TECRL: variants seen among roughly 807,000 people sequenced by gnomAD.
TECRL encodes trans-2,3-enoyl-CoA reductase like.
Under a neutral mutation model 52.8 loss-of-function variants are expected in TECRL, and 63 were observed. The observed-to-expected ratio is 1.19, with a 90% CI of 0.97 to 1.47. The LOEUF is 1.47. Ranked by LOEUF, TECRL falls within the 40% of genes most tolerant of loss-of-function variation. The pLI is 0.00. For missense variants in TECRL, 482 were observed against 429.6 expected (o/e 1.12, Z -1.08); for synonymous variants, 164 against 141.9 (o/e 1.16, Z -1.10).
chr4:64,387,859 A>G (rs541028413), intron 1 of TECRL, among the ~76,000 whole-genome samples: 8 of 152,086 alleles, frequency 5.3e-5, no homozygotes, highest in African/African-American at 1.9e-4. Context: ...GTCTTGCACA[A>G]GTATGATAAA....
At chr4:64,295,404 C>A (rs1177032192) in intron 8 of TECRL, among the ~76,000 whole-genome samples, 2 of 151,072 alleles carry the variant, frequency 1.3e-5, no homozygotes, top group African/African-American at 2.4e-5. Flanking sequence ...TAATTCAAAT[C>A]ATTTGATTTT....
At chr4:64,319,768 G>A (rs896645640) in intron 4 of TECRL, among the ~76,000 whole-genome samples, 1 of 151,848 alleles carries the variant, frequency 6.6e-6, no homozygotes, top group African/African-American at 2.4e-5. Context: ...ACTCACCAAT[G>A]TAAAGGAACC....
intron 1 of TECRL, among the ~76,000 whole-genome samples, chr4:64,384,317 C>A (rs1293287857): frequency 1.3e-5 from 2 of 152,056 alleles, no homozygotes; most frequent in Admixed American, 1.3e-4. Flanking sequence ...TGTGGGCCAA[C>A]CCTTAAGACC....
intron 2 of TECRL, among the ~76,000 whole-genome samples, chr4:64,373,093 T>C (rs1487033576): frequency 6.6e-6 from 1 of 151,770 alleles, no homozygotes; most frequent in Non-Finnish European, 1.5e-5. Flanking sequence ...AAATACTTTA[T>C]ATAATGTAAT....
chr4:64,296,757 G>A (rs1328503442), intron 8 of TECRL, among the ~76,000 whole-genome samples: 1 of 151,642 alleles, frequency 6.6e-6, no homozygotes, highest in African/African-American at 2.4e-5. Context: ...TGGCTTTTGG[G>A]TGGAATTGGA....
chr4:64,381,661 T>C (rs1722805210), intron 1 of TECRL, among the ~76,000 whole-genome samples: 1 of 152,182 alleles, frequency 6.6e-6, no homozygotes, highest in South Asian at 2.1e-4. Flanking sequence ...ATATGCATTT[T>C]ATCCTTCAAT....
downstream of TECRL, among the ~76,000 whole-genome samples, chr4:64,277,415 G>T (rs1210104160): frequency 6.6e-6 from 1 of 151,848 alleles, no homozygotes; most frequent in East Asian, 1.9e-4. Context: ...TTCTTTTTAA[G>T]ATCATTAAAT....
At chr4:64,364,661 G>A (rs1465308748) in intron 2 of TECRL, among the ~76,000 whole-genome samples, 1 of 151,616 alleles carries the variant, frequency 6.6e-6, no homozygotes, top group Non-Finnish European at 1.5e-5. Flanking sequence ...AGAAGAAATC[G>A]ATAAATTCCT....
intron 1 of TECRL, among the ~76,000 whole-genome samples, chr4:64,382,540 T>G (rs926638875): frequency 5.3e-5 from 8 of 151,586 alleles, no homozygotes; most frequent in Non-Finnish European, 1.2e-4. Context: ...TGTCTTCTTT[T>G]GGTTTTCGTT....
At chr4:64,305,363 C>T in intron 6 of TECRL, 125 bp from the exon 7 acceptor site, 1 of 708,164 alleles carries the variant, frequency 1.4e-6, no homozygotes, top group Non-Finnish European at 2.4e-6. Flanking sequence ...ATATTAGACA[C>T]TGCAGCATTT....
chr4:64,408,887 C>G (rs955568169), intron 1 of TECRL, among the ~76,000 whole-genome samples: 1 of 152,010 alleles, frequency 6.6e-6, no homozygotes, highest in African/African-American at 2.4e-5. Flanking sequence ...ATGACAGAAC[C>G]TCATTATTAT....
At chr4:64,331,990 GA>G (rs1385805427) in intron 2 of TECRL, among the ~76,000 whole-genome samples, 1 of 152,100 alleles carries the variant, frequency 6.6e-6, no homozygotes, top group African/African-American at 2.4e-5. Flanking sequence ...GAGAACAACT[GA>G]AAAAGTATGA....
chr4:64,354,093 T>A (rs184670982), intron 2 of TECRL, among the ~76,000 whole-genome samples: 2 of 152,296 alleles, frequency 1.3e-5, no homozygotes, highest in East Asian at 3.9e-4. Flanking sequence ...AAGAAAGTGC[T>A]GATGACCTTA....
intron 7 of TECRL, 125 bp downstream of exon 7, chr4:64,305,041 T>C: frequency 4.7e-6 from 3 of 638,288 alleles, no homozygotes; most frequent in Non-Finnish European, 7.8e-6. Flanking sequence ...TAAAGAAATA[T>C]GATATGAAAG....
At position 64,409,321 on chromosome 4, in the gene TECRL, C is replaced by G; in HGVS notation, c.31G>C (p.Glu11Gln). MFKRHKSLAS[E>Q]RKRALLSQRA... Reference sequence around the variant, plus strand: ...TGGGAAAGTAATGCTCTCTTGCGTTCCGAAGCGAGGGACTTGTGCCTTTTG... The same window carrying G: ...TGGGAAAGTAATGCTCTCTTGCGTTGCGAAGCGAGGGACTTGTGCCTTTTG... The change falls in exon 1 of 12, where the codon GAA (glutamate) becomes CAA (glutamine). Residue 11 changes from glutamate to glutamine, a missense_variant. Coordinates refer to ENST00000381210, the MANE Select transcript of TECRL (RefSeq NM_001010874.5). The G allele has an allele frequency of 1.2e-6, 2 of 1,613,592 alleles. No homozygotes were observed. Among genetic ancestry groups the G allele is most frequent in the Non-Finnish European group, 1.7e-6 (2 of 1,179,716 alleles).
intron 2 of TECRL, among the ~76,000 whole-genome samples, chr4:64,345,919 A>AAAAAAAAAAAAAC (rs1560516687): frequency 2.1e-5 from 3 of 144,346 alleles, no homozygotes; most frequent in Non-Finnish European, 3.0e-5. Context: ...AAAAAAAAAA[A>AAAAAAAAAAAAAC]AAAAAAAAAA....
chr4:64,331,047 C>T (rs564430982), intron 2 of TECRL, among the ~76,000 whole-genome samples: 1 of 152,172 alleles, frequency 6.6e-6, no homozygotes, highest in Non-Finnish European at 1.5e-5. Flanking sequence ...TACACAATTT[C>T]TTTGGTTTTC....
chr4:64,309,352 T>C (rs549643214), intron 6 of TECRL, among the ~76,000 whole-genome samples: 10 of 152,174 alleles, frequency 6.6e-5, no homozygotes, highest in Non-Finnish European at 1.2e-4. Context: ...ATTTTACATA[T>C]TTTTTCATGT....
chr4:64,296,202 G>A (rs1422878608), intron 8 of TECRL, among the ~76,000 whole-genome samples: 1 of 151,700 alleles, frequency 6.6e-6, no homozygotes, highest in East Asian at 1.9e-4. Context: ...AATTTCATAA[G>A]CAGTTTCTTG....
Sources: allele counts gnomAD v4.1 joint callset (sites outside exome capture counted in the v4.1 genomes callset), GRCh38; gene constraint gnomAD v4.1.1; transcripts MANE v1.5; gene names NCBI Gene and HGNC (gene_info 2026-07-23, HGNC 2026-07-21).